SRD5A2: variants seen among roughly 807,000 people sequenced by gnomAD.
SRD5A2 encodes steroid 5 alpha-reductase 2.
A neutral mutation model predicts 27.4 loss-of-function variants in SRD5A2; 30 were observed. The ratio of observed to expected loss-of-function variants is 1.10; its 90% CI spans 0.82 to 1.49. SRD5A2 has a LOEUF of 1.49. Ranked by LOEUF, SRD5A2 falls within the 40% of genes most tolerant of loss-of-function variation. SRD5A2 has a pLI of 0.00. For missense variants in SRD5A2, 348 were observed against 323.4 expected, an observed-to-expected ratio of 1.08 and a Z score of -0.58; for synonymous variants, 141 against 133.6, an observed-to-expected ratio of 1.06 and a Z score of -0.38.
At chr2:31,541,079 A>G (rs181300871) in intron 1 of SRD5A2, among the ~76,000 whole-genome samples, 51 of 152,272 alleles carry the variant, frequency 3.3e-4, no homozygotes, top group Non-Finnish European at 6.5e-4. Flanking sequence ...GGAGCCAGAT[A>G]TTAAAGATAA....
intron 3 of SRD5A2, among the ~76,000 whole-genome samples, chr2:31,530,237 A>G (rs1011223137): frequency 6.6e-6 from 1 of 152,220 alleles, no homozygotes; most frequent in Non-Finnish European, 1.5e-5. Flanking sequence ...TTTGTTTTAA[A>G]TCATTCTCTA....
At chr2:31,644,511 C>T in the SRD5A2 span, among the ~76,000 whole-genome samples, 1 of 152,146 alleles carries the variant, frequency 6.6e-6, no homozygotes. Flanking sequence ...CTGGATCCCT[C>T]GCATGTGCAG....
the SRD5A2 span, among the ~76,000 whole-genome samples, chr2:31,624,122 G>A: frequency 1.8e-4 from 27 of 152,024 alleles, no homozygotes; most frequent in South Asian, 5.4e-3. Flanking sequence ...AATAATAGGT[G>A]TATATATTTA....
chr2:31,537,589 C>T (rs894538865), intron 1 of SRD5A2, among the ~76,000 whole-genome samples: 4 of 152,178 alleles, frequency 2.6e-5, no homozygotes, highest in African/African-American at 9.7e-5. Flanking sequence ...CTGGTTTCTC[C>T]TCATCCTCCT....
chr2:31,580,867 C>T lies in SRD5A2; in HGVS notation c.34G>A (p.Ala12Thr). The T allele has an allele frequency of 6.2e-7, 1 of 1,610,708 alleles. No homozygotes were observed. The change falls in exon 1 of 5, where the codon GCA becomes ACA. Residue 12 changes from alanine to threonine, a missense_variant. Ala to Thr is a moderately conservative substitution (Grantham distance 58, BLOSUM62 0). Coordinates refer to ENST00000622030, the MANE Select transcript of SRD5A2 (RefSeq NM_000348.4). Reference sequence around the variant, plus strand: ...AGGGCGACCAAAGTGGCGCTGCCTGCCAGCACTGGGCTCTGCTGGCACTGA... The same window carrying T: ...AGGGCGACCAAAGTGGCGCTGCCTGTCAGCACTGGGCTCTGCTGGCACTGA... ...QVQCQQSPVL[A>T]GSATLVALGA...
the SRD5A2 span, chr2:31,651,607 C>G: frequency 6.4e-6 from 1 of 155,166 alleles, no homozygotes; most frequent in Non-Finnish European, 1.4e-5. Context: ...TTTATCGTTA[C>G]AAACTACTGC....
chr2:31,543,024 G>A (rs1442762139), intron 1 of SRD5A2, among the ~76,000 whole-genome samples: 1 of 152,008 alleles, frequency 6.6e-6, no homozygotes, highest in African/African-American at 2.4e-5. Flanking sequence ...AAATACAAAG[G>A]CAAAGAGAAA....
At chr2:31,527,540 G>A (rs1014249002) in intron 4 of SRD5A2, 1 of 152,200 alleles carries the variant, frequency 6.6e-6, no homozygotes, top group African/African-American at 2.4e-5. Context: ...TTTGGGTTTT[G>A]TTGTTGCAGC....
the SRD5A2 span, among the ~76,000 whole-genome samples, chr2:31,647,551 A>C: frequency 2.0e-5 from 3 of 152,172 alleles, no homozygotes; most frequent in African/African-American, 4.8e-5. Flanking sequence ...ATTTGATTTT[A>C]TTCCTTTTTG....
At chr2:31,585,341 C>T (rs1424979169), upstream of SRD5A2, among the ~76,000 whole-genome samples, 1 of 152,118 alleles carries the variant, frequency 6.6e-6, no homozygotes, top group Non-Finnish European at 1.5e-5. Context: ...GGAGTGCTGG[C>T]ATCACCCCTC....
chr2:31,645,992 C>T, the SRD5A2 span, among the ~76,000 whole-genome samples: 1 of 152,166 alleles, frequency 6.6e-6, no homozygotes, highest in African/African-American at 2.4e-5. Context: ...CACTAGTTTC[C>T]TTCCACTACA....
intron 1 of SRD5A2, among the ~76,000 whole-genome samples, chr2:31,559,326 CCAGA>C (rs1328787357): frequency 3.9e-5 from 6 of 152,124 alleles, no homozygotes; most frequent in Non-Finnish European, 5.9e-5. Flanking sequence ...TGGTATCTTT[CCAGA>C]CAAAGAAAGA....
the SRD5A2 span, among the ~76,000 whole-genome samples, chr2:31,606,841 A>G: frequency 6.6e-6 from 1 of 151,906 alleles, no homozygotes; most frequent in African/African-American, 2.4e-5. Context: ...TCAATTAAAC[A>G]ATAGAAATTT....
intron 3 of SRD5A2, among the ~76,000 whole-genome samples, 181 bp from the exon 4 acceptor site, chr2:31,529,638 A>ATGTT (rs1331759939): frequency 6.6e-6 from 1 of 152,222 alleles, no homozygotes; most frequent in East Asian, 1.9e-4. Flanking sequence ...AAGCAACAAC[A>ATGTT]GCCTGTTGCC....
At chr2:31,629,650 G>A in the SRD5A2 span, among the ~76,000 whole-genome samples, 12 of 152,216 alleles carry the variant, frequency 7.9e-5, no homozygotes, top group Admixed American at 2.0e-4. Context: ...GCCAAGGGCC[G>A]ACTAGAGGCA....
At chr2:31,602,768 T>A in the SRD5A2 span, among the ~76,000 whole-genome samples, 1 of 151,660 alleles carries the variant, frequency 6.6e-6, no homozygotes, top group African/African-American at 2.4e-5. Flanking sequence ...CCTACAATCA[T>A]CTGAACTTTG....
chr2:31,580,599 C>T, intron 1 of SRD5A2, 21 bp downstream of exon 1: 3 of 1,510,668 alleles, frequency 2.0e-6, no homozygotes, highest in Non-Finnish European at 2.6e-6. Context: ...GCACTGGGCG[C>T]CCGCAAGGGA....
At chr2:31,596,600 T>C in the SRD5A2 span, among the ~76,000 whole-genome samples, 1 of 151,546 alleles carries the variant, frequency 6.6e-6, no homozygotes, top group East Asian at 1.9e-4. Flanking sequence ...CCCTAAAGAC[T>C]CATCCAAAAA....
chr2:31,594,667 A>C, the SRD5A2 span, among the ~76,000 whole-genome samples: 75 of 152,212 alleles, frequency 4.9e-4, no homozygotes, highest in East Asian at 0.012. Flanking sequence ...GAAAGTCAAC[A>C]AAAAAACAGT....
Sources: allele counts gnomAD v4.1 joint callset (sites outside exome capture counted in the v4.1 genomes callset), GRCh38; gene constraint gnomAD v4.1.1; transcripts MANE v1.5; gene names NCBI Gene and HGNC (gene_info 2026-07-23, HGNC 2026-07-21).